Variants in MACROD2 observed in about 807,000 individuals in gnomAD.
The protein encoded by MACROD2 is mono-ADP ribosylhydrolase 2.
MACROD2 carries 36 observed loss-of-function variants against 70.4 expected under a neutral mutation model. The ratio of observed to expected loss-of-function variants is 0.51; its 90% confidence interval spans 0.39 to 0.68. The LOEUF is 0.68. MACROD2 is among the 30% of genes least tolerant of loss of function. The probability of loss-of-function intolerance (pLI) is 0.00; values close to 1 mark genes in which losing one functional copy is unlikely to be tolerated. For missense variants in MACROD2, 496 were observed against 538.4 expected (o/e 0.92, Z 0.78); for synonymous variants, 172 against 178.8 (o/e 0.96, Z 0.30).
rs112618393 is a variant in MACROD2 at position 15,900,801 on chromosome 20, C to A, written c.775+14990C>A. 4.7e-3 allele frequency among the ~76,000 whole-genome samples: 715 copies of A among 152,286 alleles called. 2 individuals are homozygous for A. The highest frequency in any genetic ancestry group is 0.01 in the Middle Eastern group (3 of 294). ...TCAGTATGAGTATGGACAGAACTCT[C>A]AATTGTCCATGTTCTGCTTCCTACT... is the stretch of plus-strand genomic sequence containing the variant. On this transcript the variant is annotated intron_variant, in intron 10 of 17. Transcript: ENST00000684519.
chr20:15,898,434 C>G (rs1239025167), intron 10 of MACROD2, among the ~76,000 whole-genome samples: 1 of 150,956 alleles, frequency 6.6e-6, no homozygotes, highest in Non-Finnish European at 1.5e-5. Context: ...GCCTGTAATC[C>G]CAGTTACTAA....
chr20:14,470,264 G>A (rs2084512212), intron 3 of MACROD2, among the ~76,000 whole-genome samples: 1 of 152,136 alleles, frequency 6.6e-6, no homozygotes, highest in Non-Finnish European at 1.5e-5. Flanking sequence ...GAGACCGCAG[G>A]ACAGCAAAGA....
rs150203298 is a variant in MACROD2 at position 15,057,537 on chromosome 20, C to G, written c.419-172403C>G. ...CATATATGGCCTTCTACTCAGAAGA[C>G]TTCTCCTGCATATAACTACAAATCC... On this transcript the variant is annotated intron_variant, in intron 5 of 17. Coordinates refer to ENST00000684519, the MANE Select transcript of MACROD2 (RefSeq NM_001351661.2). Among the ~76,000 whole-genome samples the G allele has an allele frequency of 1.5e-3, 221 of 152,314 alleles. 5 individuals carry two copies. In the South Asian group the frequency reaches 0.019, roughly 13 times the overall value.
intron 8 of MACROD2, among the ~76,000 whole-genome samples, chr20:15,811,333 A>C (rs2147087617): frequency 6.6e-6 from 1 of 151,976 alleles, no homozygotes; most frequent in East Asian, 1.9e-4. Context: ...AAACACATGA[A>C]AAAATGCTCA....
At chr20:14,037,394 G>A (rs921858201) in intron 2 of MACROD2, among the ~76,000 whole-genome samples, 26 of 152,124 alleles carry the variant, frequency 1.7e-4, no homozygotes, top group African/African-American at 5.8e-4. Context: ...CTTCTTTCAT[G>A]CAATTATAAA....
intron 5 of MACROD2, among the ~76,000 whole-genome samples, chr20:14,965,673 T>A (rs2074629815): frequency 6.6e-6 from 1 of 151,374 alleles, no homozygotes; most frequent in Non-Finnish European, 1.5e-5. Flanking sequence ...TTTCACTGTG[T>A]TAGCCAGGAT....
At chr20:15,173,486 T>TGTC (rs1194314841) in intron 5 of MACROD2, among the ~76,000 whole-genome samples, 8 of 152,200 alleles carry the variant, frequency 5.3e-5, no homozygotes, top group Admixed American at 1.3e-4. Context: ...ATCGAAGGAA[T>TGTC]GTCTTATTGT....
At chr20:14,747,712 T>A (rs1035053622) in intron 5 of MACROD2, among the ~76,000 whole-genome samples, 3 of 151,132 alleles carry the variant, frequency 2.0e-5, no homozygotes, top group African/African-American at 4.9e-5. Context: ...CAGATTAGAG[T>A]GGTATGATAG....
chr20:15,608,234 T>G (rs957395118), intron 8 of MACROD2, among the ~76,000 whole-genome samples: 2 of 152,200 alleles, frequency 1.3e-5, no homozygotes, highest in African/African-American at 4.8e-5. Context: ...GATTAAAATA[T>G]TTTTCAAACG....
At chr20:15,133,486 A>G (rs2036499448) in intron 5 of MACROD2, among the ~76,000 whole-genome samples, 1 of 152,178 alleles carries the variant, frequency 6.6e-6, no homozygotes. Flanking sequence ...TCTAATATTT[A>G]TACCCACATT....
chr20:15,865,357 A>T (rs1266287392), intron 9 of MACROD2, among the ~76,000 whole-genome samples: 2 of 151,564 alleles, frequency 1.3e-5, no homozygotes, highest in Non-Finnish European at 2.9e-5. Context: ...AATAATGATT[A>T]ATAATAATCA....
intron 6 of MACROD2, 95 bp from the exon 7 acceptor site, chr20:15,431,310 C>T: frequency 1.8e-6 from 2 of 1,097,998 alleles, no homozygotes; most frequent in East Asian, 2.4e-5. Flanking sequence ...AAGTAGAGGG[C>T]ATCCCATTAT....
chr20:14,348,146 G>A lies in MACROD2; in HGVS notation c.272-145333G>A, dbSNP rs753020443. On this transcript the variant is annotated intron_variant, in intron 3 of 17. Coordinates refer to ENST00000684519, the MANE Select transcript of MACROD2 (RefSeq NM_001351661.2). ...TTAGCCGGTGTGGTGGTACGCACCTGTAGTCCCAGCTACTTGGGAGGCTGA... is the reference window on the plus strand; with the variant it reads ...TTAGCCGGTGTGGTGGTACGCACCTATAGTCCCAGCTACTTGGGAGGCTGA... Among the ~76,000 whole-genome samples the A allele has an allele frequency of 2.0e-4, 30 of 152,050 alleles. 1 individual carries two copies. Among genetic ancestry groups the A allele is most frequent in the Admixed American group, 1.5e-3 (23 of 15,238 alleles).
intron 5 of MACROD2, among the ~76,000 whole-genome samples, chr20:14,767,261 A>T (rs760466966): frequency 6.6e-6 from 1 of 152,260 alleles, no homozygotes; most frequent in Admixed American, 6.5e-5. Flanking sequence ...TTATATTTTT[A>T]AAATATAGTT....
At chr20:15,049,877 G>A (rs2075425203) in intron 5 of MACROD2, among the ~76,000 whole-genome samples, 1 of 151,962 alleles carries the variant, frequency 6.6e-6, no homozygotes, top group Non-Finnish European at 1.5e-5. Context: ...GAACCCAGGA[G>A]GCGGAGGCTG....
chr20:15,179,530 G>A (rs2076485614), intron 5 of MACROD2, among the ~76,000 whole-genome samples: 1 of 152,086 alleles, frequency 6.6e-6, no homozygotes. Context: ...AGACTGTTTT[G>A]CACTCACCCC....
At chr20:14,956,584 A>C (rs2074538935) in intron 5 of MACROD2, among the ~76,000 whole-genome samples, 1 of 152,116 alleles carries the variant, frequency 6.6e-6, no homozygotes, top group Admixed American at 6.6e-5. Context: ...TAATTAAAAA[A>C]CTATCTTGGA....
At chr20:15,740,710 C>A (rs907041359) in intron 8 of MACROD2, among the ~76,000 whole-genome samples, 3 of 140,484 alleles carry the variant, frequency 2.1e-5, no homozygotes, top group African/African-American at 9.2e-5. Context: ...TTACATGGAG[C>A]CTTTTTTTTT....
intron 5 of MACROD2, among the ~76,000 whole-genome samples, chr20:14,720,072 G>C (rs4814320): frequency 0.21 from 31,514 of 152,048 alleles, 3,656 homozygotes; most frequent in South Asian, 0.41. Context: ...ATATAAAACA[G>C]AGGATGCTGT....
Sources: allele counts gnomAD v4.1 joint callset (sites outside exome capture counted in the v4.1 genomes callset), GRCh38; gene constraint gnomAD v4.1.1; transcripts MANE v1.5; gene names NCBI Gene and HGNC (gene_info 2026-07-23, HGNC 2026-07-21).